Variants in TLL1 observed in about 807,000 individuals in gnomAD.
TLL1 encodes the protein tolloid-like protein 1.
Under a neutral mutation model 128.2 loss-of-function variants are expected in TLL1, and 49 were observed. That is an observed-to-expected ratio of 0.38 (90% CI 0.30 to 0.48). The LOEUF (loss-of-function observed/expected upper bound fraction) is 0.48. TLL1 is among the 20% of genes least tolerant of loss of function. TLL1 has a pLI of 0.96. For synonymous variants in TLL1, 454 were observed against 418.8 expected, an observed-to-expected ratio of 1.08 and a Z score of -1.03; for missense variants, 1,123 against 1,242.0, an observed-to-expected ratio of 0.90 and a Z score of 1.44.
intron 5 of TLL1, 26 bp from the exon 6 acceptor site, chr4:166,003,365 C>T: frequency 6.2e-7 from 1 of 1,613,324 alleles, no homozygotes; most frequent in Non-Finnish European, 8.5e-7. Context: ...TTTCCACCAC[C>T]ATCTCCACTT....
chr4:165,950,459 A>G (rs1734459550), intron 1 of TLL1, among the ~76,000 whole-genome samples: 1 of 152,130 alleles, frequency 6.6e-6, no homozygotes, highest in Admixed American at 6.6e-5. Context: ...TTACCCAACA[A>G]CAGCAGAATA....
chr4:166,039,233 A>G (rs1170141395), intron 9 of TLL1, 106 bp from the exon 10 acceptor site: 2 of 747,952 alleles, frequency 2.7e-6, no homozygotes. Flanking sequence ...AATTAGCTGC[A>G]CATGCATTTT....
At chr4:165,931,065 C>A (rs1022332166) in intron 1 of TLL1, among the ~76,000 whole-genome samples, 10 of 152,106 alleles carry the variant, frequency 6.6e-5, no homozygotes, top group African/African-American at 2.4e-4. Context: ...ACCTCTCTTT[C>A]ATAGATTATG....
intron 15 of TLL1, among the ~76,000 whole-genome samples, chr4:166,061,794 T>C (rs1432531186): frequency 6.6e-6 from 1 of 152,184 alleles, no homozygotes; most frequent in Non-Finnish European, 1.5e-5. Context: ...TCCTTGTTCA[T>C]GCCTATGTTC....
At chr4:166,008,913 A>G in intron 7 of TLL1, among the ~76,000 whole-genome samples, 1 of 151,402 alleles carries the variant, frequency 6.6e-6, no homozygotes, top group Admixed American at 6.6e-5. Flanking sequence ...GCTTTTATAA[A>G]ACTTTCTTGG....
chr4:165,903,639 C>G (rs1732108463), intron 1 of TLL1, among the ~76,000 whole-genome samples: 1 of 151,652 alleles, frequency 6.6e-6, no homozygotes, highest in African/African-American at 2.4e-5. Context: ...TCTCAAACTT[C>G]TGACCTTGTG....
chr4:166,053,031 TA>T (rs1421240535), intron 12 of TLL1, among the ~76,000 whole-genome samples: 3 of 146,764 alleles, frequency 2.0e-5, no homozygotes, highest in South Asian at 4.3e-4. Flanking sequence ...AGTTAGTTTT[TA>T]AAATGTGCTT....
chr4:165,921,168 T>C (rs535582877), intron 1 of TLL1, among the ~76,000 whole-genome samples: 13 of 152,240 alleles, frequency 8.5e-5, no homozygotes, highest in African/African-American at 2.6e-4. Flanking sequence ...CCAAATGAGA[T>C]GACATATGGC....
At chr4:165,990,872 CATAT>C (rs1283915696) in intron 2 of TLL1, among the ~76,000 whole-genome samples, 1 of 151,952 alleles carries the variant, frequency 6.6e-6, no homozygotes, top group Non-Finnish European at 1.5e-5. Context: ...TTTTCTAAAA[CATAT>C]ATCAGTATGG....
At chr4:165,906,981 C>T (rs1732288648) in intron 1 of TLL1, among the ~76,000 whole-genome samples, 1 of 152,104 alleles carries the variant, frequency 6.6e-6, no homozygotes, top group Non-Finnish European at 1.5e-5. Context: ...AATCAGTCAA[C>T]ATTTATTTCA....
intron 7 of TLL1, among the ~76,000 whole-genome samples, chr4:166,011,523 G>T (rs1737696686): frequency 6.6e-6 from 1 of 151,400 alleles, no homozygotes; most frequent in Non-Finnish European, 1.5e-5. Context: ...AACGGATTTT[G>T]TGTGTGTGTG....
chr4:166,056,120 G>A (rs9993891), intron 13 of TLL1, among the ~76,000 whole-genome samples: 18,936 of 151,964 alleles, frequency 0.12, 2,335 homozygotes, highest in African/African-American at 0.32. Context: ...AGATAGAAAA[G>A]CTTGGCACTT....
At chr4:165,891,009 A>C (rs1011031409) in intron 1 of TLL1, among the ~76,000 whole-genome samples, 1 of 151,902 alleles carries the variant, frequency 6.6e-6, no homozygotes, top group African/African-American at 2.4e-5. Context: ...ACTTCTGTGC[A>C]CCCCCAGGCA....
At chr4:165,985,303 T>A (rs1008565658) in intron 1 of TLL1, among the ~76,000 whole-genome samples, 1 of 151,998 alleles carries the variant, frequency 6.6e-6, no homozygotes, top group African/African-American at 2.4e-5. Context: ...AGAGACTCAA[T>A]TTTCTTGTCA....
In TLL1 at chr4:165,903,111, C is replaced by T. The variant is rs1014828264; in HGVS notation, c.169+29038C>T. Among the ~76,000 whole-genome samples the T allele has an allele frequency of 3.9e-5, 6 of 151,986 alleles. No individual in the cohort carries two copies. In the East Asian group the frequency reaches 7.8e-4, roughly 20 times the overall value. On this transcript the variant is annotated intron_variant, in intron 1 of 20. Transcript: ENST00000061240. Reference sequence around the variant, plus strand: ...CCCAGCACTGTGGGAGGCTGAGGCACGCAGATCACCTGAGGTCAGGAGTTT... The same window carrying T: ...CCCAGCACTGTGGGAGGCTGAGGCATGCAGATCACCTGAGGTCAGGAGTTT...
In TLL1 at chr4:166,099,471, C is replaced by A. The variant is rs534469812; in HGVS notation, c.2851C>A (p.Leu951Ile). The change falls in exon 20 of 21, where the codon CTC (leucine) becomes ATC (isoleucine). Residue 951 changes from leucine (L) to isoleucine (I), a missense_variant. Leu to Ile is a conservative substitution (Grantham distance 5). Around this residue, in one of 3 missense-constraint regions of TLL1, gnomAD observed 634 missense variants for 672.4 expected, o/e 0.94. Coordinates refer to ENST00000061240, the MANE Select transcript of TLL1 (RefSeq NM_012464.5). ...AGACTGTGGCTATGACTATGTGGAG[C>A]TCTTTGATGGTCTTGATTCAACAGC... ...EADCGYDYVELFDGLDSTAVG... is the reference protein window; with the variant it reads ...EADCGYDYVEIFDGLDSTAVG... The A allele has an allele frequency of 2.5e-6, 4 of 1,613,472 alleles. No homozygotes were observed. In the Admixed American group the frequency reaches 5.0e-5, roughly 20 times the overall value.
chr4:166,049,015 C>T (rs1165412608), intron 12 of TLL1, among the ~76,000 whole-genome samples: 2 of 152,106 alleles, frequency 1.3e-5, no homozygotes, highest in Non-Finnish European at 2.9e-5. Context: ...GTAGACTAGT[C>T]TTTGTGAGTG....
chr4:166,087,525 G>GA (rs1741579326), intron 18 of TLL1, among the ~76,000 whole-genome samples: 1 of 152,126 alleles, frequency 6.6e-6, no homozygotes, highest in Non-Finnish European at 1.5e-5. Flanking sequence ...AGATGGCTGG[G>GA]ACTGGGGACC....
intron 1 of TLL1, among the ~76,000 whole-genome samples, chr4:165,893,292 A>G (rs1731504491): frequency 7.0e-6 from 1 of 143,080 alleles, no homozygotes; most frequent in Admixed American, 6.7e-5. Context: ...AAATATATGG[A>G]GCAATAGTTC....
Sources: gnomAD v4.1 joint callset for allele counts (sites outside exome capture counted in the v4.1 genomes callset) on GRCh38, gnomAD v4.1.1 for gene constraint, gnomAD v4.1.1 regional missense constraint, MANE v1.5 for transcripts, NCBI Gene and HGNC (gene_info 2026-07-23, HGNC 2026-07-21) for gene names.